The following RACGAP1 variants were observed in gnomAD, a reference collection of about 807,000 sequenced individuals.
RACGAP1 encodes the protein rac GTPase-activating protein 1.
Under a neutral mutation model 78.1 loss-of-function variants are expected in RACGAP1, and 30 were observed. The observed-to-expected ratio is 0.38, with a 90% CI of 0.29 to 0.52. The LOEUF (loss-of-function observed/expected upper bound fraction) is 0.52. RACGAP1 is among the 20% of genes least tolerant of loss of function. The pLI is 0.82. For synonymous variants in RACGAP1, 231 were observed against 264.8 expected (o/e 0.87, Z 1.24); for missense variants, 587 against 777.1 (o/e 0.76, Z 2.91).
intron 9 of RACGAP1, 118 bp downstream of exon 9, chr12:49,999,023 G>A (rs1412755025): frequency 8.0e-7 from 1 of 1,243,666 alleles, no homozygotes; most frequent in Non-Finnish European, 1.1e-6. Context: ...AGTAAAATTG[G>A]AATGAGGAAG....
In RACGAP1 at chr12:50,006,500, A is replaced by G. The variant is rs765110993; in HGVS notation, c.222T>C (p.His74=). The change falls in exon 3 of 17, where the codon CAT becomes CAC. Residue 74 remains histidine (H), a synonymous_variant. Coordinates refer to ENST00000312377, the MANE Select transcript of RACGAP1 (RefSeq NM_001319999.2). ...TCTCTACATCCACCTGATTACGTGC[A>G]TGCTTCAGCTTAACATCCAGAGCAC... ...ERSALDVKLK[H]ARNQVDVEIK... The G allele has an allele frequency of 6.2e-6, 10 of 1,614,184 alleles. No individual in the cohort carries two copies. Among genetic ancestry groups the G allele is most frequent in the Non-Finnish European group, 8.5e-6 (10 of 1,180,020 alleles).
chr12:49,990,522 A>T (rs1363776677), intron 16 of RACGAP1, among the ~76,000 whole-genome samples, 162 bp downstream of exon 16: 1 of 152,252 alleles, frequency 6.6e-6, no homozygotes, highest in Non-Finnish European at 1.5e-5. Flanking sequence ...AAAGACTTTC[A>T]GAACCTTTTT....
In RACGAP1 at chr12:49,997,042, C is replaced by T; in HGVS notation, c.1042G>A (p.Glu348Lys). Residue 348 changes from glutamate (E) to lysine (K), a missense_variant and splice_region_variant, in exon 10 of 17, where the codon GAG becomes AAG. Physicochemically the swap from Glu to Lys is moderately conservative, Grantham distance 56. Coordinates refer to ENST00000312377, the MANE Select transcript of RACGAP1 (RefSeq NM_001319999.2). ...ATGACGGCTTGCATAAGTCATACCT[C>T]TCCAATCTTGACAGGTGTTCCTATC... ...TLIGTPVKIG[E>K]GMLADFVSQT... is the part of the protein sequence containing the mutation. 6.5e-7 allele frequency: 1 copy of T among 1,530,744 alleles called. No individual in the cohort carries two copies. Among genetic ancestry groups the T allele is most frequent in the Non-Finnish European group, 8.9e-7 (1 of 1,127,570 alleles). The allele number at this position is 1,530,744 out of a possible 1,614,324, so 94.8% of individuals were successfully genotyped here. A position where few individuals can be genotyped will look rare whatever the true frequency, so the allele number is the denominator to read the frequency against.
chr12:50,029,743 A>C (rs572267359), upstream of RACGAP1, among the ~76,000 whole-genome samples: 22 of 151,614 alleles, frequency 1.5e-4, no homozygotes, highest in Middle Eastern at 3.4e-3. Context: ...AATACAAAAA[A>C]TTAGCTGGGC....
intron 1 of RACGAP1, chr12:50,021,095 T>A: frequency 1.0e-6 from 1 of 983,514 alleles, no homozygotes; most frequent in Non-Finnish European, 1.2e-6. Flanking sequence ...AGTTGTAATT[T>A]TCCTGCTGGG....
intron 2 of RACGAP1, among the ~76,000 whole-genome samples, chr12:50,007,720 G>T (rs1949054058): frequency 6.6e-6 from 1 of 151,996 alleles, no homozygotes; most frequent in African/African-American, 2.4e-5. Context: ...ATACCAATTT[G>T]TTCCAGAAAA....
At chr12:49,994,573 A>G (rs1186349496) in intron 10 of RACGAP1, 64 bp from the exon 11 acceptor site, 6 of 1,558,558 alleles carry the variant, frequency 3.8e-6, no homozygotes, top group Non-Finnish European at 5.2e-6. Flanking sequence ...TGAAGACCAC[A>G]TGCGAAGAAC....
At chr12:49,995,599 A>G (rs1948210244) in intron 10 of RACGAP1, among the ~76,000 whole-genome samples, 1 of 151,898 alleles carries the variant, frequency 6.6e-6, no homozygotes, top group South Asian at 2.1e-4. Context: ...CTCAAGCAAT[A>G]GTCCAACCTA....
In RACGAP1 at chr12:49,995,635, G is replaced by A. The variant is rs550889247; in HGVS notation, c.1045-1126C>T. Among the ~76,000 whole-genome samples the A allele has an allele frequency of 3.9e-5, 6 of 152,040 alleles. No individual in the cohort carries two copies. In the South Asian group the frequency reaches 1.2e-3, roughly 32 times the overall value. The stretch of plus-strand genomic sequence containing the variant: ...GCCTCCTGAGGAGCTACAAACACAG[G>A]CGCACACCACTAACCTGGCTAACTT... On this transcript the variant is annotated intron_variant, in intron 10 of 16. Transcript: ENST00000312377.
At chr12:50,017,292 G>A (rs749870267) in intron 1 of RACGAP1, among the ~76,000 whole-genome samples, 4 of 152,206 alleles carry the variant, frequency 2.6e-5, no homozygotes, top group Non-Finnish European at 4.4e-5. Context: ...GTAATACAGG[G>A]CTCTCTGCTG....
At chr12:50,018,806 C>T (rs898859657) in intron 1 of RACGAP1, among the ~76,000 whole-genome samples, 3 of 151,032 alleles carry the variant, frequency 2.0e-5, no homozygotes, top group Admixed American at 2.0e-4. Context: ...GGTTTTAAGT[C>T]TTAAATTACA....
At chr12:50,025,055 G>A (rs1950212912) in intron 1 of RACGAP1, among the ~76,000 whole-genome samples, 1 of 151,896 alleles carries the variant, frequency 6.6e-6, no homozygotes, top group Non-Finnish European at 1.5e-5. Context: ...CTTCGAAAAC[G>A]ATGGGGTGTC....
intron 2 of RACGAP1, among the ~76,000 whole-genome samples, chr12:50,012,479 T>C (rs1232371229): frequency 1.3e-5 from 2 of 151,950 alleles, no homozygotes; most frequent in East Asian, 3.9e-4. Context: ...GAGAATCACT[T>C]GAACCTGGGA....
chr12:50,016,806 C>T lies in RACGAP1; in HGVS notation c.-4-87G>A, dbSNP rs189382540. ...TAGCAATCCAGCCATTAGTGACCAA[C>T]ATCTGGACTCTTCCATTTATAACTA... On this transcript the variant is annotated intron_variant, in intron 1 of 16. Transcript: ENST00000312377. The T allele has an allele frequency of 6.3e-6, 9 of 1,431,468 alleles. No homozygotes were observed. In the East Asian group the frequency reaches 1.8e-4, roughly 29 times the overall value. The allele number at this position is 1,431,468 out of a possible 1,614,324, so 88.7% of individuals were successfully genotyped here.
intron 9 of RACGAP1, among the ~76,000 whole-genome samples, chr12:49,997,525 C>T (rs1245071290): frequency 2.0e-5 from 3 of 151,838 alleles, no homozygotes; most frequent in Non-Finnish European, 2.9e-5. Context: ...TCACCCACCT[C>T]GACCTCCCAA....
intron 2 of RACGAP1, 89 bp from the exon 3 acceptor site, chr12:50,006,725 A>T (rs1437822807): frequency 3.0e-6 from 4 of 1,318,994 alleles, no homozygotes; most frequent in Non-Finnish European, 4.2e-6. Context: ...CTTTATTTGA[A>T]ATTCATAATT....
chr12:50,019,117 C>T (rs1429368486), intron 1 of RACGAP1, among the ~76,000 whole-genome samples: 2 of 152,112 alleles, frequency 1.3e-5, no homozygotes, highest in African/African-American at 4.8e-5. Context: ...ACCTCTGGTT[C>T]CTCCCCTTCC....
chr12:49,994,066 TAAAG>T (rs1034804525), intron 12 of RACGAP1, 61 bp downstream of exon 12: 21 of 1,400,494 alleles, frequency 1.5e-5, no homozygotes, highest in African/African-American at 7.3e-5. Flanking sequence ...AATAAAAAAA[TAAAG>T]AGAGTAAGAA....
intron 1 of RACGAP1, among the ~76,000 whole-genome samples, chr12:50,017,335 A>G (rs1336634746): frequency 1.3e-5 from 2 of 152,228 alleles, no homozygotes; most frequent in Non-Finnish European, 2.9e-5. Context: ...TAATAAATTT[A>G]TACTAAGTAG....
Sources: allele counts gnomAD v4.1 joint callset (sites outside exome capture counted in the v4.1 genomes callset), GRCh38; gene constraint gnomAD v4.1.1; transcripts MANE v1.5; gene names NCBI Gene and HGNC (gene_info 2026-07-23, HGNC 2026-07-21).